The following PNPLA7 variants were observed in gnomAD, a reference collection of about 807,000 sequenced individuals.
PNPLA7 encodes patatin like domain 7, lysophospholipase.
Under a neutral mutation model 161.7 loss-of-function variants are expected in PNPLA7, and 153 were observed. The observed-to-expected ratio is 0.95, with a 90% CI of 0.83 to 1.08. The LOEUF (loss-of-function observed/expected upper bound fraction) is 1.08, where lower values mean the gene tolerates loss of function less well. Ranked by LOEUF, PNPLA7 falls within the 50% of genes least tolerant of loss-of-function variation. The pLI is 0.00. For missense variants in PNPLA7, 1,739 were observed against 1,856.6 expected (o/e 0.94, Z 1.16); for synonymous variants, 809 against 782.1 (o/e 1.03, Z -0.57).
In PNPLA7 at chr9:137,467,159, C is replaced by A. The variant is rs1303458305; in HGVS notation, c.3039+158G>T. 6.6e-6 allele frequency among the ~76,000 whole-genome samples: 1 copy of A among 152,222 alleles called. No homozygotes were observed. The highest frequency in any genetic ancestry group is 1.5e-5 in the Non-Finnish European group (1 of 68,034). ...CATCTGTGCCTTCTCTGTGGTGCTC[C>A]TTTGCCTCACAAGCTGCACTGGGAG... is the stretch of plus-strand genomic sequence containing the variant. On this transcript the variant is annotated intron_variant, in intron 26 of 34. Coordinates refer to ENST00000406427, the MANE Select transcript of PNPLA7 (RefSeq NM_001098537.3). This position sits in a 1 kb window ranked among gnomAD's most constrained non-coding sequence, Gnocchi z 5.1.
chr9:137,531,059 C>T (rs997615084), intron 8 of PNPLA7, among the ~76,000 whole-genome samples: 4 of 152,164 alleles, frequency 2.6e-5, no homozygotes, highest in African/African-American at 9.7e-5. Context: ...AATTTTGTTC[C>T]GTTCCTTTCA....
rs772863049 is a variant in PNPLA7, at chr9:137,478,026, G to C, written c.2882+8C>G. On this transcript the variant is annotated splice_region_variant and intron_variant, in intron 25 of 34. Transcript: ENST00000406427. ...AGTGAGGAGTGTGTAGGAAGCGGGG[G>C]GACTCACCTTGCTCCCCCTCCCCCA... 7.1e-7 allele frequency: 1 copy of C among 1,418,386 alleles called. No individual in the cohort carries two copies. The highest frequency in any genetic ancestry group is 9.2e-7 in the Non-Finnish European group (1 of 1,081,274). The allele number at this position is 1,418,386 out of a possible 1,614,324, so 87.9% of individuals were successfully genotyped here. A position where few individuals can be genotyped will look rare whatever the true frequency, so the allele number is the denominator to read the frequency against.
chr9:137,548,916 T>G (rs559669861), intron 1 of PNPLA7, among the ~76,000 whole-genome samples: 1 of 152,308 alleles, frequency 6.6e-6, no homozygotes, highest in African/African-American at 2.4e-5. Context: ...GGGGAACCCC[T>G]ACGCTCACTC....
intron 25 of PNPLA7, among the ~76,000 whole-genome samples, chr9:137,477,133 G>A (rs924051521): frequency 2.0e-5 from 3 of 152,244 alleles, no homozygotes; most frequent in Non-Finnish European, 4.4e-5. Context: ...TCCTTTGGGG[G>A]CAGCGGTAGG....
intron 24 of PNPLA7, chr9:137,478,808 C>T (rs1177625886): frequency 6.4e-6 from 3 of 469,550 alleles, no homozygotes; most frequent in Non-Finnish European, 1.1e-5. Context: ...CCCCGGGGTT[C>T]GCTGAGCCCC....
rs1207636607 is a variant in PNPLA7 at position 137,463,319 on chromosome 9, G to A, written c.3343+96C>T. ...TCTAAGGAAAACGTGTTCCAGCCCA[G>A]GCTTCTTGGAGCGGAGGCAGCTGTG... is the stretch of plus-strand genomic sequence containing the variant. On this transcript the variant is annotated intron_variant, in intron 29 of 34. Transcript: ENST00000406427. 3 of 1,129,250 alleles carry A rather than the reference G, an allele frequency of 2.7e-6. No homozygotes were observed. In the African/African-American group the frequency reaches 4.7e-5, roughly 18 times the overall value. The allele number at this position is 1,129,250 out of a possible 1,614,324, so 70.0% of individuals were successfully genotyped here.
At position 137,486,399 on chromosome 9, in the gene PNPLA7, C is replaced by G. The variant is rs1564299681; in HGVS notation, c.2198-1663G>C. On this transcript the variant is annotated intron_variant, in intron 20 of 34. Coordinates refer to ENST00000406427, the MANE Select transcript of PNPLA7 (RefSeq NM_001098537.3). This position sits in a 1 kb window ranked among gnomAD's most constrained non-coding sequence, Gnocchi z 6.0. ...CGCACAGCCGGCAATCATGTGCTCA[C>G]AGGAAAATAGCTGATGACGTGCTGC... Among the ~76,000 whole-genome samples the G allele has an allele frequency of 6.6e-6, 1 of 152,164 alleles. No homozygotes were observed. The highest frequency in any genetic ancestry group is 1.5e-5 in the Non-Finnish European group (1 of 68,024).
intron 14 of PNPLA7, among the ~76,000 whole-genome samples, chr9:137,502,403 C>T (rs11137337): frequency 1.2e-3 from 178 of 151,688 alleles, no homozygotes; most frequent in East Asian, 3.8e-3. Flanking sequence ...CAAACCCTGA[C>T]GGTGAAGGGG....
intron 14 of PNPLA7, among the ~76,000 whole-genome samples, chr9:137,504,915 G>A (rs1272739222): frequency 6.6e-6 from 1 of 152,198 alleles, no homozygotes; most frequent in Non-Finnish European, 1.5e-5. Context: ...TCAGCCGGGC[G>A]CCGTGGCTCA....
intron 33 of PNPLA7, 78 bp downstream of exon 33, chr9:137,461,458 G>A: frequency 7.0e-7 from 1 of 1,433,128 alleles, no homozygotes; most frequent in Non-Finnish European, 9.5e-7. Flanking sequence ...TGGGCCTCTG[G>A]GGTGGGGGGG....
At chr9:137,464,304 T>C (rs976067372) in intron 27 of PNPLA7, 36 bp downstream of exon 27, 11 of 1,606,502 alleles carry the variant, frequency 6.8e-6, no homozygotes, top group Admixed American at 1.7e-5. Flanking sequence ...GGACAGGCAC[T>C]GGGGGCTGCA....
At chr9:137,539,878 C>T (rs1013431926) in intron 8 of PNPLA7, among the ~76,000 whole-genome samples, 2 of 152,122 alleles carry the variant, frequency 1.3e-5, no homozygotes, top group East Asian at 1.9e-4. Context: ...CTCTACCTCC[C>T]GGGTTCATGC....
chr9:137,478,477 A>G, intron 24 of PNPLA7: 1 of 251,380 alleles, frequency 4.0e-6, no homozygotes. Context: ...GGGTCCCTCT[A>G]TCCTGCAGCA....
intron 20 of PNPLA7, among the ~76,000 whole-genome samples, chr9:137,491,002 C>T (rs914534898): frequency 2.0e-5 from 3 of 152,178 alleles, no homozygotes; most frequent in Non-Finnish European, 2.9e-5. Context: ...ATAACGTCAT[C>T]GCTAGAGTAA....
At chr9:137,496,518 C>A (rs1231495778) in intron 18 of PNPLA7, among the ~76,000 whole-genome samples, 3 of 151,918 alleles carry the variant, frequency 2.0e-5, no homozygotes, top group Non-Finnish European at 4.4e-5. Flanking sequence ...TGGAGACCAG[C>A]CTGACCAACA....
intron 26 of PNPLA7, among the ~76,000 whole-genome samples, chr9:137,466,762 G>A (rs1273770090): frequency 1.6e-4 from 20 of 122,156 alleles, no homozygotes; most frequent in Middle Eastern, 8.3e-3. Context: ...ACCCGGGCAC[G>A]GATCAGACCG....
intron 1 of PNPLA7, among the ~76,000 whole-genome samples, chr9:137,549,651 C>T (rs1033607303): frequency 6.6e-6 from 1 of 151,470 alleles, no homozygotes; most frequent in African/African-American, 2.4e-5. Context: ...AAAAATTAGC[C>T]GGGCGTGGTG....
At chr9:137,472,874 G>C (rs1831772587) in intron 25 of PNPLA7, among the ~76,000 whole-genome samples, 1 of 151,154 alleles carries the variant, frequency 6.6e-6, no homozygotes, top group South Asian at 2.1e-4. Flanking sequence ...AGAATTGTTT[G>C]AACTCAGAAG....
chr9:137,546,151 G>C (rs996215730), intron 4 of PNPLA7, among the ~76,000 whole-genome samples: 1 of 152,106 alleles, frequency 6.6e-6, no homozygotes, highest in Non-Finnish European at 1.5e-5. Context: ...AGTACTAAAA[G>C]TCTCTGATAT....
Sources: gnomAD v4.1 joint callset for allele counts (sites outside exome capture counted in the v4.1 genomes callset) on GRCh38, gnomAD v4.1.1 for gene constraint, Gnocchi (gnomAD v3.1) non-coding constraint, MANE v1.5 for transcripts, NCBI Gene and HGNC (gene_info 2026-07-23, HGNC 2026-07-21) for gene names.